POM121C: variants seen among roughly 807,000 people sequenced by gnomAD.
POM121C encodes the protein nuclear envelope pore membrane protein POM 121C.
POM121C carries 20 observed loss-of-function variants against 66.4 expected under a neutral mutation model. The observed-to-expected ratio is 0.30, with a 90% CI of 0.21 to 0.44. The LOEUF is 0.44. POM121C is among the 20% of genes least tolerant of loss of function. The pLI is 1.00. For synonymous variants in POM121C, 286 were observed against 528.0 expected, an observed-to-expected ratio of 0.54 and a Z score of 6.28; for missense variants, 580 against 1,225.7, an observed-to-expected ratio of 0.47 and a Z score of 7.87.
intron 3 of POM121C, among the ~76,000 whole-genome samples, chr7:75,469,414 T>C (rs1345794964): frequency 6.6e-6 from 1 of 152,052 alleles, no homozygotes; most frequent in Non-Finnish European, 1.5e-5. Context: ...ACTTTCAAAA[T>C]ACATCCTGCA....
intron 3 of POM121C, among the ~76,000 whole-genome samples, chr7:75,450,502 G>A (rs1786910738): frequency 6.6e-6 from 1 of 152,096 alleles, no homozygotes; most frequent in Non-Finnish European, 1.5e-5. Context: ...TGATCACGAG[G>A]GTCAGTGCAG....
intron 7 of POM121C, among the ~76,000 whole-genome samples, chr7:75,434,409 G>A (rs1444322022): frequency 6.6e-6 from 1 of 151,610 alleles, no homozygotes; most frequent in Non-Finnish European, 1.5e-5. Context: ...TAAGTAGCTG[G>A]GATTATAGGC....
At position 75,486,138 on chromosome 7, in the gene POM121C, G is replaced by A. The variant is rs1477767270; in HGVS notation, c.-732C>T. ...GGGGTCCCAGCTCGAGCCTCTACCC[G>A]GCCCGCGCGAACCCTGGGCCGCACA... On this transcript the variant is annotated 5_prime_UTR_variant, in exon 1 of 15. Transcript: ENST00000615331. 2 of 336,300 alleles carry A rather than the reference G, an allele frequency of 5.9e-6. No individual in the cohort carries two copies. The highest frequency in any genetic ancestry group is 5.7e-6 in the Non-Finnish European group (1 of 175,646). The allele number at this position is 336,300 out of a possible 1,614,324, so 20.8% of individuals were successfully genotyped here.
At chr7:75,434,499 A>G (rs1790327506) in intron 7 of POM121C, among the ~76,000 whole-genome samples, 2 of 151,308 alleles carry the variant, frequency 1.3e-5, no homozygotes, top group African/African-American at 4.9e-5. Flanking sequence ...CTGGTCTCAA[A>G]CTCCTGATCG....
At chr7:75,439,338 G>C in intron 5 of POM121C, 114 bp from the exon 6 acceptor site, 1 of 1,413,252 alleles carries the variant, frequency 7.1e-7, no homozygotes, top group South Asian at 1.3e-5. Context: ...CAGATTCCAT[G>C]CTAGACCAGA....
At chr7:75,425,449 C>A in intron 9 of POM121C, 186 bp downstream of exon 9, 1 of 1,386,460 alleles carries the variant, frequency 7.2e-7, no homozygotes, top group Non-Finnish European at 9.7e-7. Flanking sequence ...CGTTAGCCCC[C>A]ATCTGTAGCC....
chr7:75,417,172 G>T lies in POM121C; in HGVS notation c.*1624C>A. On this transcript the variant is annotated 3_prime_UTR_variant, in exon 15 of 15. Transcript: ENST00000615331. ...CAGCCAGGTATAACACTCGCCCTCA[G>T]TCACAACGGGGAGGGGGCACCGGTT... is the stretch of plus-strand genomic sequence containing the variant. 1 of 981,702 alleles carries T rather than the reference G, an allele frequency of 1.0e-6. No individual in the cohort carries two copies. The highest frequency in any genetic ancestry group is 5.2e-4 in the Middle Eastern group (1 of 1,918). The allele number at this position is 981,702 out of a possible 1,614,324, so 60.8% of individuals were successfully genotyped here.
rs75960995 is a variant in POM121C, at chr7:75,434,415, T to C, written c.480+3100A>G. 2.2e-3 allele frequency among the ~76,000 whole-genome samples: 339 copies of C among 151,326 alleles called. 1 individual carries two copies. Among genetic ancestry groups the C allele is most frequent in the Non-Finnish European group, 3.7e-3 (248 of 67,768 alleles). On this transcript the variant is annotated intron_variant, in intron 7 of 14. Transcript: ENST00000615331. ...TCAGCCTCCTAAGTAGCTGGGATTATAGGCACACGCCACCACACCTGGTTA... is the reference window on the plus strand; with the variant it reads ...TCAGCCTCCTAAGTAGCTGGGATTACAGGCACACGCCACCACACCTGGTTA...
intron 7 of POM121C, among the ~76,000 whole-genome samples, chr7:75,434,192 T>C (rs1428906859): frequency 6.6e-6 from 1 of 152,212 alleles, no homozygotes; most frequent in Non-Finnish European, 1.5e-5. Flanking sequence ...GGATATGAAC[T>C]AAGACTCACG....
intron 3 of POM121C, among the ~76,000 whole-genome samples, chr7:75,444,857 G>GTAC (rs1790781596): frequency 7.2e-6 from 1 of 138,790 alleles, no homozygotes; most frequent in South Asian, 2.4e-4. Context: ...TGTGCCTGTA[G>GTAC]TACTACTCAG....
At chr7:75,481,702 T>C (rs1792314836) in intron 1 of POM121C, among the ~76,000 whole-genome samples, 1 of 152,134 alleles carries the variant, frequency 6.6e-6, no homozygotes, top group Admixed American at 6.5e-5. Flanking sequence ...GGCATATGAC[T>C]ATACTCCCAG....
intron 7 of POM121C, among the ~76,000 whole-genome samples, chr7:75,433,198 G>A (rs1487640849): frequency 1.8e-5 from 2 of 113,514 alleles, no homozygotes; most frequent in East Asian, 3.2e-4. Flanking sequence ...TCGCACCGCT[G>A]CACTCTAGCC....
rs1411302401 is a variant in POM121C at position 75,463,995 on chromosome 7, T to C, written c.-152+10709A>G. The stretch of plus-strand genomic sequence containing the variant: ...GGCGTGAGGCACCACGCCTGGACTC[T>C]TTTTTTCTTTTTAATTTTACTTTTT... On this transcript the variant is annotated intron_variant, in intron 3 of 14. Coordinates refer to ENST00000615331, the MANE Select transcript of POM121C (RefSeq NM_001099415.3). Among the ~76,000 whole-genome samples the C allele has an allele frequency of 6.1e-5, 9 of 146,634 alleles. No homozygotes were observed. In the Middle Eastern group the frequency reaches 0.01, roughly 167 times the overall value.
rs79436082 is a variant in POM121C, at chr7:75,432,451, A to G, written c.480+5064T>C. 7.0e-3 allele frequency among the ~76,000 whole-genome samples: 1,066 copies of G among 152,312 alleles called. 13 individuals are homozygous for G. The highest frequency in any genetic ancestry group is 0.024 in the African/African-American group (991 of 41,540). On this transcript the variant is annotated intron_variant, in intron 7 of 14. Coordinates refer to ENST00000615331, the MANE Select transcript of POM121C (RefSeq NM_001099415.3). ...ATCTCACAAGTAAAATGTTAAGTCA[A>G]ACACCAAAGAATGCATACTCTATTT...
At position 75,417,654 on chromosome 7, in the gene POM121C, G is replaced by C; in HGVS notation, c.*1142C>G. The stretch of plus-strand genomic sequence containing the variant: ...TTTTCTAACATCTACTTTGGGTGAC[G>C]TAGCCTCCAGTGAGGTCAGTTAAGT... On this transcript the variant is annotated 3_prime_UTR_variant, in exon 15 of 15. Transcript: ENST00000615331. The C allele has an allele frequency of 1.0e-6, 1 of 985,636 alleles. No individual in the cohort carries two copies. The highest frequency in any genetic ancestry group is 1.2e-6 in the Non-Finnish European group (1 of 829,762). The allele number at this position is 985,636 out of a possible 1,614,324, so 61.1% of individuals were successfully genotyped here.
rs1366175822 is a variant in POM121C, at chr7:75,417,146, G to A, written c.*1650C>T. The stretch of plus-strand genomic sequence containing the variant: ...GTTCACTCCCTCCTCAGCTGCACAC[G>A]CAGCCAGGTATAACACTCGCCCTCA... On this transcript the variant is annotated 3_prime_UTR_variant, in exon 15 of 15. Coordinates refer to ENST00000615331, the MANE Select transcript of POM121C (RefSeq NM_001099415.3). 50 of 1,000,328 alleles carry A rather than the reference G, an allele frequency of 5.0e-5. No homozygotes were observed. In the Admixed American group the frequency reaches 7.3e-4, roughly 15 times the overall value. 62.0% of individuals were successfully genotyped at this position (1,000,328 alleles called of 1,614,324 possible). A position where few individuals can be genotyped will look rare whatever the true frequency, so the allele number is the denominator to read the frequency against.
chr7:75,433,310 C>T lies in POM121C; in HGVS notation c.480+4205G>A, dbSNP rs782806013. ...TTATCTCAATAACAATTACCAGTTT[C>T]TAATATATCCTGTAAGAATTATTTT... On this transcript the variant is annotated intron_variant, in intron 7 of 14. Transcript: ENST00000615331. Among the ~76,000 whole-genome samples the T allele has an allele frequency of 1.8e-4, 26 of 143,948 alleles. No homozygotes were observed. The South Asian group carries it at 5.8e-3, about 32-fold the overall frequency. The allele number at this position is 143,948 out of a possible 152,430, so 94.4% of individuals were successfully genotyped here.
chr7:75,485,854 C>G lies in POM121C; in HGVS notation c.-458+10G>C, dbSNP rs1792517765. Reference sequence around the variant, plus strand: ...CCTTCTCGCTCCGGGCCCAAAAACCCAAGACTTACCCTCCTGGGGCTCCGC... The same window carrying G: ...CCTTCTCGCTCCGGGCCCAAAAACCGAAGACTTACCCTCCTGGGGCTCCGC... On this transcript the variant is annotated intron_variant, in intron 1 of 14. Transcript: ENST00000615331. 1 of 507,596 alleles carries G rather than the reference C, an allele frequency of 2.0e-6. No homozygotes were observed. The highest frequency in any genetic ancestry group is 1.4e-5 in the South Asian group (1 of 69,746). 31.4% of individuals were successfully genotyped at this position (507,596 alleles called of 1,614,324 possible). A position where few individuals can be genotyped will look rare whatever the true frequency, so the allele number is the denominator to read the frequency against.
At chr7:75,433,256 A>G (rs1790256946) in intron 7 of POM121C, among the ~76,000 whole-genome samples, 1 of 151,164 alleles carries the variant, frequency 6.6e-6, no homozygotes, top group African/African-American at 2.4e-5. Context: ...AAAAAAAAAA[A>G]AAAAGAATGT....
Sources: gnomAD v4.1 joint callset for allele counts (sites outside exome capture counted in the v4.1 genomes callset) on GRCh38, gnomAD v4.1.1 for gene constraint, MANE v1.5 for transcripts, NCBI Gene and HGNC (gene_info 2026-07-23, HGNC 2026-07-21) for gene names.